Variants in TMEM182 observed in about 807,000 individuals in gnomAD.
TMEM182 encodes transmembrane protein 182.
TMEM182 carries 20 observed loss-of-function variants against 26.8 expected under a neutral mutation model. The ratio of observed to expected loss-of-function variants is 0.75; its 90% CI spans 0.53 to 1.09. TMEM182 has a LOEUF of 1.09. Among genes scored for constraint, TMEM182 ranks in the 50% least tolerant of loss-of-function variants. TMEM182 has a pLI of 0.00. For synonymous variants in TMEM182, 109 were observed against 102.2 expected, an observed-to-expected ratio of 1.07 and a Z score of -0.40; for missense variants, 277 against 275.5, an observed-to-expected ratio of 1.01 and a Z score of -0.04.
chr2:102,789,911 T>C (rs572012930), intron 3 of TMEM182, among the ~76,000 whole-genome samples: 1 of 152,298 alleles, frequency 6.6e-6, no homozygotes, highest in East Asian at 1.9e-4. Flanking sequence ...CCCTCTCTGA[T>C]TGGCATGGCC....
chr2:102,830,264 T>C (rs533196674), intron 3 of TMEM182, among the ~76,000 whole-genome samples: 3 of 152,314 alleles, frequency 2.0e-5, no homozygotes, highest in African/African-American at 7.2e-5. Flanking sequence ...TTCATATAAA[T>C]TACTATGCTT....
At chr2:102,826,930 G>T (rs983531284) in intron 3 of TMEM182, among the ~76,000 whole-genome samples, 1 of 152,134 alleles carries the variant, frequency 6.6e-6, no homozygotes, top group Non-Finnish European at 1.5e-5. Flanking sequence ...AATTCAATTA[G>T]TGCCTTTTTA....
intron 3 of TMEM182, among the ~76,000 whole-genome samples, chr2:102,829,591 G>A (rs1683112879): frequency 6.6e-6 from 1 of 152,174 alleles, no homozygotes; most frequent in Admixed American, 6.5e-5. Context: ...GCTAGGCATG[G>A]GCACAAGGCT....
chr2:102,796,520 A>G (rs868537919), intron 3 of TMEM182, among the ~76,000 whole-genome samples: 1 of 152,356 alleles, frequency 6.6e-6, no homozygotes, highest in Non-Finnish European at 1.5e-5. Flanking sequence ...CTAATAAACT[A>G]TGGTAGGACA....
At position 102,814,939 on chromosome 2, in the gene TMEM182, G is replaced by A; in HGVS notation, c.661G>A (p.Val221Ile). The A allele has an allele frequency of 1.2e-6, 2 of 1,613,880 alleles. No individual in the cohort carries two copies. The highest frequency in any genetic ancestry group is 1.7e-6 in the Non-Finnish European group (2 of 1,179,940). ...GCTAGCTGGATTACTATTTCTGGTT[G>A]TTGGATGGCATATTCAGATACATCA... ...SLLAGLLFLV[V>I]GWHIQIHH The change falls in exon 5 of 5, where the codon GTT becomes ATT. Residue 221 changes from valine to isoleucine, a missense_variant. Physicochemically the swap from Val to Ile is conservative, Grantham distance 29. Transcript: ENST00000412401.
intron 3 of TMEM182, among the ~76,000 whole-genome samples, chr2:102,827,268 T>C (rs565782001): frequency 6.6e-6 from 1 of 152,370 alleles, no homozygotes; most frequent in East Asian, 1.9e-4. Flanking sequence ...TTTCTTTTTG[T>C]ATAATTTCTC....
chr2:102,815,845 G>T lies in TMEM182; in HGVS notation c.*877G>T. The T allele has an allele frequency of 1.1e-6, 1 of 909,616 alleles. No individual in the cohort carries two copies. Among genetic ancestry groups the T allele is most frequent in the Non-Finnish European group, 1.3e-6 (1 of 761,450 alleles). The allele number at this position is 909,616 out of a possible 1,614,324, so 56.3% of individuals were successfully genotyped here. A position where few individuals can be genotyped will look rare whatever the true frequency, so the allele number is the denominator to read the frequency against. On this transcript the variant is annotated 3_prime_UTR_variant, in exon 5 of 5. Coordinates refer to ENST00000412401, the MANE Select transcript of TMEM182 (RefSeq NM_144632.5). ...GCATGTGAAAATTTATTGATAAAATGTGATTTTAATATTTTTTAGATATAA... is the reference window on the plus strand; with the variant it reads ...GCATGTGAAAATTTATTGATAAAATTTGATTTTAATATTTTTTAGATATAA...
chr2:102,811,338 G>T (rs374774782), intron 4 of TMEM182, among the ~76,000 whole-genome samples: 1 of 152,118 alleles, frequency 6.6e-6, no homozygotes, highest in African/African-American at 2.4e-5. Flanking sequence ...ATATCAATTT[G>T]TCATGTCACT....
rs118026982 is a variant in TMEM182 at position 102,762,040 on chromosome 2, G to T, written c.-178G>T. On this transcript the variant is annotated 5_prime_UTR_variant, in exon 1 of 5. Transcript: ENST00000412401. ...CGAGCAAAGGGAATATGAATCTGCC[G>T]GTGGGGCGTGAGCGAGAAGCCACCA... 1 of 526,664 alleles carries T rather than the reference G, an allele frequency of 1.9e-6. No homozygotes were observed. Among genetic ancestry groups the T allele is most frequent in the South Asian group, 2.1e-5 (1 of 46,704 alleles). The allele number at this position is 526,664 out of a possible 1,614,324, so 32.6% of individuals were successfully genotyped here.
chr2:102,759,125 T>C (rs1680133955), upstream of TMEM182, among the ~76,000 whole-genome samples: 1 of 152,248 alleles, frequency 6.6e-6, no homozygotes, highest in Non-Finnish European at 1.5e-5. Context: ...CAAAGTCTTA[T>C]ATTCTTTTCC....
chr2:102,751,283 A>G (rs1679868404), intron 1 of TMEM182, among the ~76,000 whole-genome samples: 1 of 152,138 alleles, frequency 6.6e-6, no homozygotes. Flanking sequence ...CATAGGGCAC[A>G]CAGATTGAGT....
At chr2:102,783,182 A>G (rs755625653) in intron 3 of TMEM182, among the ~76,000 whole-genome samples, 1 of 152,232 alleles carries the variant, frequency 6.6e-6, no homozygotes, top group African/African-American at 2.4e-5. Context: ...CAAATAAATA[A>G]GGAAAATGAA....
At position 102,830,908 on chromosome 2, in the gene TMEM182, A is replaced by C. The variant is rs112877523; in HGVS notation, c.326-12504A>C. ...CATCCTTCTACTCTCTATGTCCATG[A>C]GTTCAACTGATTTGATATTTAAATC... On this transcript the variant is annotated intron_variant, in intron 3 of 3. Transcript: ENST00000486293. Among the ~76,000 whole-genome samples the C allele has an allele frequency of 7.1e-3, 1,087 of 152,238 alleles. 15 individuals are homozygous for C. Among genetic ancestry groups the C allele is most frequent in the African/African-American group, 0.025 (1,046 of 41,540 alleles).
rs147118648 is a variant in TMEM182, at chr2:102,782,937, G to A, written c.332-14926G>A. Among the ~76,000 whole-genome samples, 181 of 152,162 alleles carry A rather than the reference G, an allele frequency of 1.2e-3. 1 individual carries two copies. The highest frequency in any genetic ancestry group is 1.0e-3 in the Non-Finnish European group (69 of 68,008). The stretch of plus-strand genomic sequence containing the variant: ...TGATTTTTATCAGCTGCTTTTTCTA[G>A]TACCCAAGTTCATTGCTTCAAGTCT... On this transcript the variant is annotated intron_variant, in intron 3 of 4. Coordinates refer to ENST00000412401, the MANE Select transcript of TMEM182 (RefSeq NM_144632.5).
At chr2:102,791,872 C>T (rs760031066) in intron 3 of TMEM182, among the ~76,000 whole-genome samples, 3 of 151,896 alleles carry the variant, frequency 2.0e-5, no homozygotes, top group Non-Finnish European at 2.9e-5. Flanking sequence ...TTTACAAGCT[C>T]ATATAAAGAA....
At chr2:102,809,736 C>T (rs1682482600) in intron 4 of TMEM182, among the ~76,000 whole-genome samples, 2 of 152,216 alleles carry the variant, frequency 1.3e-5, no homozygotes, top group Admixed American at 6.5e-5. Flanking sequence ...TCATCCTTAA[C>T]ATTTTATGAT....
intron 1 of TMEM182, among the ~76,000 whole-genome samples, chr2:102,750,097 G>A (rs574259178): frequency 8.6e-5 from 13 of 151,828 alleles, no homozygotes; most frequent in African/African-American, 2.2e-4. Context: ...TGAAAAAAAA[G>A]CATTTTTTTG....
intron 4 of TMEM182, among the ~76,000 whole-genome samples, chr2:102,802,457 C>T (rs777212380): frequency 4.6e-5 from 7 of 152,206 alleles, no homozygotes; most frequent in Non-Finnish European, 2.9e-5. Context: ...AAAGTGTAGT[C>T]ATTGTCAGGA....
chr2:102,839,846 G>A (rs374142235), intron 3 of TMEM182, among the ~76,000 whole-genome samples: 2 of 152,116 alleles, frequency 1.3e-5, no homozygotes, highest in Admixed American at 6.6e-5. Context: ...ATTCTACAAG[G>A]GAAGCACAGA....
Sources: gnomAD v4.1 joint callset for allele counts (sites outside exome capture counted in the v4.1 genomes callset) on GRCh38, gnomAD v4.1.1 for gene constraint, MANE v1.5 for transcripts, NCBI Gene and HGNC (gene_info 2026-07-23, HGNC 2026-07-21) for gene names.